The following ANK1 variants were observed in gnomAD, a reference collection of about 807,000 sequenced individuals.
ANK1 encodes ankyrin 1.
ANK1 carries 51 observed loss-of-function variants against 210.4 expected under a neutral mutation model. The ratio of observed to expected loss-of-function variants is 0.24; its 90% CI spans 0.19 to 0.31. The LOEUF is 0.31. ANK1 is among the 10% of genes least tolerant of loss of function. ANK1 has a pLI of 1.00. For synonymous variants in ANK1, 967 were observed against 1,025.9 expected (o/e 0.94, Z 1.10); for missense variants, 2,051 against 2,504.4 (o/e 0.82, Z 3.86).
chr8:41,696,648 G>T (rs780307169), intron 25 of ANK1, 28 bp downstream of exon 25: 1 of 1,607,628 alleles, frequency 6.2e-7, no homozygotes, highest in Admixed American at 1.7e-5. Context: ...GGAGACAGGA[G>T]TCCCCGAGCC....
intron 1 of ANK1, among the ~76,000 whole-genome samples, chr8:41,822,158 GAA>G (rs776819637): frequency 3.1e-5 from 2 of 65,572 alleles, no homozygotes; most frequent in African/African-American, 8.9e-5. Context: ...AAGAAAGAAA[GAA>G]AGAAAGAAAG....
chr8:41,782,316 G>A (rs566653468), intron 1 of ANK1, among the ~76,000 whole-genome samples: 96 of 152,338 alleles, frequency 6.3e-4, no homozygotes, highest in Non-Finnish European at 1.2e-3. Context: ...GGAGCCCACC[G>A]TGTTGGGGGA....
At chr8:41,685,772 C>T (rs917640658) in intron 36 of ANK1, among the ~76,000 whole-genome samples, 2 of 152,178 alleles carry the variant, frequency 1.3e-5, no homozygotes, top group Non-Finnish European at 2.9e-5. Flanking sequence ...GTAGTTGGGA[C>T]TACAGGTGTG....
chr8:41,827,785 CCACACACATGCACACTCACGCA>C (rs1805697505), intron 1 of ANK1, among the ~76,000 whole-genome samples: 1 of 147,460 alleles, frequency 6.8e-6, no homozygotes, highest in Non-Finnish European at 1.5e-5. Context: ...ATGCTCACGC[CCACACACATGCACACTCACGCA>C]CACACCCACA....
chr8:41,804,628 A>G (rs1477281560), intron 1 of ANK1, among the ~76,000 whole-genome samples: 1 of 152,170 alleles, frequency 6.6e-6, no homozygotes, highest in Non-Finnish European at 1.5e-5. Flanking sequence ...GAGGGTAACT[A>G]TGGGAGGGAG....
At chr8:41,811,743 G>A (rs547091145) in intron 1 of ANK1, among the ~76,000 whole-genome samples, 3 of 152,346 alleles carry the variant, frequency 2.0e-5, no homozygotes, top group East Asian at 1.9e-4. Flanking sequence ...TGAGGACTCC[G>A]TGAGGTTATG....
At chr8:41,691,773 C>T (rs1011049424) in intron 31 of ANK1, among the ~76,000 whole-genome samples, 2 of 152,204 alleles carry the variant, frequency 1.3e-5, no homozygotes, top group African/African-American at 2.4e-5. Context: ...AACCTCTCAG[C>T]CTCAGTTTCT....
upstream of ANK1, chr8:41,797,640 C>CG: frequency 6.4e-7 from 1 of 1,551,024 alleles, no homozygotes; most frequent in South Asian, 1.2e-5. This position sits in a 1 kb window ranked among gnomAD's most constrained non-coding sequence, Gnocchi z 4.0. Context: ...CTGTGACGTG[C>CG]GGGCCAGGCC....
At chr8:41,864,249 C>CA (rs34673931) in intron 1 of ANK1, among the ~76,000 whole-genome samples, 13,858 of 77,484 alleles carry the variant, frequency 0.18, 1,024 homozygotes, top group Middle Eastern at 0.26. Context: ...GACTCTGTCT[C>CA]AAAAAAAAAA....
intron 37 of ANK1, 35 bp from the exon 38 acceptor site, chr8:41,672,947 A>G: frequency 6.4e-7 from 1 of 1,569,148 alleles, no homozygotes; most frequent in Non-Finnish European, 8.6e-7. Context: ...ATGCTCCAGC[A>G]GTGATTCCTG....
chr8:41,792,553 A>C (rs550243867), intron 1 of ANK1, among the ~76,000 whole-genome samples: 2 of 152,338 alleles, frequency 1.3e-5, no homozygotes, highest in South Asian at 4.1e-4. Flanking sequence ...GGTCGAAGCC[A>C]GGGAAAATAA....
chr8:41,674,098 C>T (rs12543328), intron 37 of ANK1, among the ~76,000 whole-genome samples: 21,739 of 152,276 alleles, frequency 0.14, 1,915 homozygotes, highest in Middle Eastern at 0.31. Context: ...TCAAGCCAGG[C>T]GGGCTCCTTT....
At chr8:41,840,279 A>C (rs1283645885) in intron 1 of ANK1, 2 of 152,234 alleles carry the variant, frequency 1.3e-5, no homozygotes, top group African/African-American at 4.8e-5. Context: ...ACTAAAGCCC[A>C]GTTCTCCTGC....
chr8:41,758,248 C>G, intron 1 of ANK1, 111 bp from the exon 2 acceptor site: 1 of 951,558 alleles, frequency 1.1e-6, no homozygotes, highest in South Asian at 1.3e-5. Flanking sequence ...ATGTGGCACC[C>G]TGGTGCCCAC....
exon 1 of ANK1, chr8:41,896,685 C>T (rs1170272941): frequency 9.1e-5 from 47 of 519,148 alleles, no homozygotes; most frequent in Non-Finnish European, 1.1e-4. Flanking sequence ...GCCCGCGGCC[C>T]GGGATGGCGC....
chr8:41,787,312 C>T (rs1490384764), intron 1 of ANK1, among the ~76,000 whole-genome samples: 1 of 152,110 alleles, frequency 6.6e-6, no homozygotes, highest in East Asian at 1.9e-4. Context: ...CAATTCACAC[C>T]CATTTGGTAA....
chr8:41,853,857 C>G (rs1288444216), intron 1 of ANK1, among the ~76,000 whole-genome samples: 1 of 152,156 alleles, frequency 6.6e-6, no homozygotes, highest in Non-Finnish European at 1.5e-5. Context: ...AACTCCTGGG[C>G]ACCAGCGATC....
At chr8:41,791,816 G>C (rs1390830005) in intron 1 of ANK1, among the ~76,000 whole-genome samples, 1 of 152,188 alleles carries the variant, frequency 6.6e-6, no homozygotes, top group Non-Finnish European at 1.5e-5. Flanking sequence ...CCCTGGGGGA[G>C]GGCCACAGAG....
chr8:41,712,693 G>C (rs1042317829), intron 16 of ANK1, among the ~76,000 whole-genome samples: 3 of 152,200 alleles, frequency 2.0e-5, no homozygotes, highest in Admixed American at 1.3e-4. Context: ...GGAGGGTTTG[G>C]TTTGGGTGCA....
Sources: allele counts gnomAD v4.1 joint callset (sites outside exome capture counted in the v4.1 genomes callset), GRCh38; gene constraint gnomAD v4.1.1; non-coding constraint Gnocchi (gnomAD v3.1); transcripts MANE v1.5; gene names NCBI Gene and HGNC (gene_info 2026-07-23, HGNC 2026-07-21).